Variants in TIMMDC1 observed in about 807,000 individuals in gnomAD.
TIMMDC1 encodes complex I assembly factor TIMMDC1, mitochondrial.
A neutral mutation model predicts 32.6 loss-of-function variants in TIMMDC1; 25 were observed. The ratio of observed to expected loss-of-function variants is 0.77; its 90% CI spans 0.56 to 1.07. The LOEUF is 1.07. Among genes scored for constraint, TIMMDC1 ranks in the 50% least tolerant of loss-of-function variants. The pLI, the probability that TIMMDC1 is intolerant of heterozygous loss-of-function variation, is 0.00. For missense variants in TIMMDC1, 329 were observed against 349.2 expected, an observed-to-expected ratio of 0.94 and a Z score of 0.46; for synonymous variants, 130 against 127.6, an observed-to-expected ratio of 1.02 and a Z score of -0.13.
intron 2 of TIMMDC1, among the ~76,000 whole-genome samples, chr3:119,502,670 C>T (rs186367436): frequency 6.6e-5 from 10 of 152,074 alleles, no homozygotes; most frequent in East Asian, 1.9e-4. Context: ...GGTTTCCTCC[C>T]GCCTCAGCCT....
At chr3:119,508,853 T>G (rs922661412) in intron 4 of TIMMDC1, among the ~76,000 whole-genome samples, 1 of 152,304 alleles carries the variant, frequency 6.6e-6, no homozygotes, top group Non-Finnish European at 1.5e-5. Flanking sequence ...TGGGGGAGTT[T>G]ATTGTCTCTG....
intron 2 of TIMMDC1, among the ~76,000 whole-genome samples, chr3:119,501,351 C>G (rs1193309646): frequency 6.6e-6 from 1 of 152,194 alleles, no homozygotes; most frequent in African/African-American, 2.4e-5. Flanking sequence ...AGTTGCAAAA[C>G]TAGTACAAAG....
Position 119,517,202 on chromosome 3 carries a change from C to T in TIMMDC1, c.597-3C>T. 1.9e-6 allele frequency: 3 copies of T among 1,597,862 alleles called. No individual in the cohort carries two copies. Among genetic ancestry groups the T allele is most frequent in the Non-Finnish European group, 2.6e-6 (3 of 1,165,812 alleles). On this transcript the variant is annotated splice_region_variant and splice_polypyrimidine_tract_variant and intron_variant, in intron 5 of 6. Coordinates refer to ENST00000494664, the MANE Select transcript of TIMMDC1 (RefSeq NM_016589.4). ...CTAAGCTTTCCCTCTCCTTTCTTCT[C>T]AGCACTCCTGTAGGAGGCCTGCTGA...
At chr3:119,501,174 C>G (rs1475012989) in intron 2 of TIMMDC1, among the ~76,000 whole-genome samples, 3 of 152,172 alleles carry the variant, frequency 2.0e-5, no homozygotes, top group African/African-American at 2.4e-5. Flanking sequence ...ATTCACAAAG[C>G]CTCCATGAGT....
chr3:119,509,151 A>G (rs979420117), intron 4 of TIMMDC1, among the ~76,000 whole-genome samples: 3 of 152,096 alleles, frequency 2.0e-5, no homozygotes, highest in African/African-American at 7.2e-5. Flanking sequence ...GCTTGCAGTG[A>G]GCTGAGATCG....
In TIMMDC1 at chr3:119,498,787, A is replaced by G. The variant is rs143730343; in HGVS notation, c.54A>G (p.Leu18=). 22 of 1,614,134 alleles carry G rather than the reference A, an allele frequency of 1.4e-5. No individual in the cohort carries two copies. The highest frequency in any genetic ancestry group is 1.0e-4 in the Admixed American group (6 of 60,012). ...PRSFLCRALC[L]FPRVFAAEAV... is the part of the protein sequence containing the mutation. ...GCTTTCTCTGTAGAGCATTGTGCCT[A>G]TTTCCCCGAGTCTTTGCTGCCGAAG... is the stretch of plus-strand genomic sequence containing the variant. Residue 18 remains leucine (L), a synonymous_variant, in exon 1 of 7, where the codon CTA becomes CTG. Coordinates refer to ENST00000494664, the MANE Select transcript of TIMMDC1 (RefSeq NM_016589.4).
rs769741961 is a variant in TIMMDC1 at position 119,503,544 on chromosome 3, C to T, written c.373C>T (p.Arg125Cys). 21 of 1,608,718 alleles carry T rather than the reference C, an allele frequency of 1.3e-5. No homozygotes were observed. Among genetic ancestry groups the T allele is most frequent in the African/African-American group, 2.7e-5 (2 of 74,614 alleles). The change falls in exon 3 of 7, where the codon CGT becomes TGT. Residue 125 changes from arginine to cysteine, a missense_variant. Physicochemically the swap from Arg to Cys is radical, Grantham distance 180. Transcript: ENST00000494664. ...TAATTAACTTTAGCAATCTGCACAT[C>T]GTGCTGCCACACGAGGCTTCATTCG... Reference protein sequence around the residue: ...NRFDAVQSAHRAATRGFIRYG... With the variant: ...NRFDAVQSAHCAATRGFIRYG...
chr3:119,514,200 A>G (rs2081971738), intron 5 of TIMMDC1, among the ~76,000 whole-genome samples: 1 of 152,226 alleles, frequency 6.6e-6, no homozygotes, highest in Non-Finnish European at 1.5e-5. Flanking sequence ...AACAATTTCA[A>G]ACCTACAGAA....
chr3:119,504,129 A>T lies in TIMMDC1; in HGVS notation c.517+108A>T, dbSNP rs2081900052. 4 of 811,880 alleles carry T rather than the reference A, an allele frequency of 4.9e-6. No homozygotes were observed. The South Asian group carries it at 6.3e-5, about 13-fold the overall frequency. The allele number at this position is 811,880 out of a possible 1,614,324, so 50.3% of individuals were successfully genotyped here. ...AATTCTTTGGTTGGCTTCCCATTAC[A>T]TCTCATCAACATTGATGCAAAATGT... On this transcript the variant is annotated intron_variant, in intron 4 of 6. Transcript: ENST00000494664.
In TIMMDC1 at chr3:119,523,188, T is replaced by C. The variant is rs574542237; in HGVS notation, c.708-418T>C. Among the ~76,000 whole-genome samples the C allele has an allele frequency of 4.6e-5, 7 of 152,356 alleles. No homozygotes were observed. In the South Asian group the frequency reaches 8.3e-4, roughly 18 times the overall value. On this transcript the variant is annotated intron_variant, in intron 6 of 6. Coordinates refer to ENST00000494664, the MANE Select transcript of TIMMDC1 (RefSeq NM_016589.4). ...CTTGGATTACCATTGTTATAGCCTT[T>C]GACCAGTTCCTAAAAGGTCTGGTCA...
chr3:119,498,656 G>A lies in TIMMDC1; in HGVS notation c.-78G>A. 6.9e-7 allele frequency: 1 copy of A among 1,448,374 alleles called. No homozygotes were observed. The highest frequency in any genetic ancestry group is 1.7e-5 in the Admixed American group (1 of 57,270). 89.7% of individuals were successfully genotyped at this position (1,448,374 alleles called of 1,614,324 possible). ...AATGCACGGATTCTCACCTCGTACA[G>A]TTACGCTCTCCCGCGGCACGTCCGC... On this transcript the variant is annotated 5_prime_UTR_variant, in exon 1 of 7. Coordinates refer to ENST00000494664, the MANE Select transcript of TIMMDC1 (RefSeq NM_016589.4).
At chr3:119,519,040 A>T (rs887589163) in intron 6 of TIMMDC1, among the ~76,000 whole-genome samples, 1 of 152,230 alleles carries the variant, frequency 6.6e-6, no homozygotes, top group African/African-American at 2.4e-5. Context: ...ATGCTTAAAG[A>T]ACTCCTACAT....
At chr3:119,507,837 T>G (rs967321117) in intron 4 of TIMMDC1, among the ~76,000 whole-genome samples, 6 of 152,202 alleles carry the variant, frequency 3.9e-5, no homozygotes, top group Admixed American at 2.6e-4. Context: ...GTCCTATGAT[T>G]AGGTTCTTAG....
At position 119,502,584 on chromosome 3, in the gene TIMMDC1, G is replaced by T. The variant is rs548774931; in HGVS notation, c.361-948G>T. On this transcript the variant is annotated intron_variant, in intron 2 of 6. Coordinates refer to ENST00000494664, the MANE Select transcript of TIMMDC1 (RefSeq NM_016589.4). ...TTTTTTTGAAATTTTTTGAGGCAGG[G>T]TCTTCCTGCCTCAGTGCAGGCTGGA... Among the ~76,000 whole-genome samples the T allele has an allele frequency of 2.4e-4, 37 of 151,782 alleles. 2 individuals carry two copies. In the South Asian group the frequency reaches 7.7e-3, roughly 32 times the overall value.
intron 2 of TIMMDC1, 50 bp downstream of exon 2, chr3:119,500,910 C>T: frequency 1.9e-6 from 3 of 1,547,726 alleles, no homozygotes; most frequent in African/African-American, 1.4e-5. Flanking sequence ...CTTAGTAATT[C>T]ACTTTACACT....
intron 4 of TIMMDC1, 54 bp downstream of exon 4, chr3:119,504,075 G>C: frequency 7.3e-7 from 1 of 1,368,924 alleles, no homozygotes. Flanking sequence ...TTTAGAAAAT[G>C]TGTAAGGACT....
At chr3:119,514,712 C>T (rs2081974193) in intron 5 of TIMMDC1, among the ~76,000 whole-genome samples, 1 of 152,132 alleles carries the variant, frequency 6.6e-6, no homozygotes. Flanking sequence ...AACAAATTAC[C>T]ACAAACTGAG....
At chr3:119,516,189 G>C (rs967589954) in intron 5 of TIMMDC1, among the ~76,000 whole-genome samples, 21 of 152,142 alleles carry the variant, frequency 1.4e-4, no homozygotes, top group African/African-American at 5.1e-4. Context: ...TTGTGCATGA[G>C]ATCTCTAGAA....
intron 6 of TIMMDC1, among the ~76,000 whole-genome samples, chr3:119,522,799 G>GGGGTGTGTGT (rs757742715): frequency 1.7e-4 from 22 of 127,536 alleles, no homozygotes; most frequent in Non-Finnish European, 2.4e-4. Context: ...TACACGTATG[G>GGGGTGTGTGT]GTGTTTGTGT....
Sources: allele counts gnomAD v4.1 joint callset (sites outside exome capture counted in the v4.1 genomes callset), GRCh38; gene constraint gnomAD v4.1.1; transcripts MANE v1.5; gene names NCBI Gene and HGNC (gene_info 2026-07-23, HGNC 2026-07-21).